ACAD11: variants seen among roughly 807,000 people sequenced by gnomAD.
The protein encoded by ACAD11 is acyl-CoA dehydrogenase family member 11.
A neutral mutation model predicts 102.2 loss-of-function variants in ACAD11; 83 were observed. The ratio of observed to expected loss-of-function variants is 0.81; its 90% CI spans 0.68 to 0.97. The LOEUF (loss-of-function observed/expected upper bound fraction) is 0.97, where lower values mean the gene tolerates loss of function less well. Ranked by LOEUF, ACAD11 falls within the 50% of genes least tolerant of loss-of-function variation. The probability of loss-of-function intolerance (pLI) is 0.00; values close to 1 mark genes in which losing one functional copy is unlikely to be tolerated. For missense variants in ACAD11, 901 were observed against 951.7 expected (o/e 0.95, Z 0.70); for synonymous variants, 324 against 319.8 (o/e 1.01, Z -0.14).
chr3:132,633,920 A>G (rs1940158522), intron 5 of ACAD11, among the ~76,000 whole-genome samples: 1 of 152,230 alleles, frequency 6.6e-6, no homozygotes, highest in Admixed American at 6.5e-5. Context: ...GATGGATTAA[A>G]GACTTACATG....
At position 132,558,866 on chromosome 3, in the gene ACAD11, C is replaced by A; in HGVS notation, c.*105G>T. On this transcript the variant is annotated 3_prime_UTR_variant, in exon 20 of 20. Coordinates refer to ENST00000264990, the MANE Select transcript of ACAD11 (RefSeq NM_032169.5). ...ATCTTTACCACAAATGAATAATTAACCCTGTGCTCAAACTGCTACAAAAAT... is the reference window on the plus strand; with the variant it reads ...ATCTTTACCACAAATGAATAATTAAACCTGTGCTCAAACTGCTACAAAAAT... 1 of 772,002 alleles carries A rather than the reference C, an allele frequency of 1.3e-6. No individual in the cohort carries two copies. Among genetic ancestry groups the A allele is most frequent in the Non-Finnish European group, 2.1e-6 (1 of 466,180 alleles). The allele number at this position is 772,002 out of a possible 1,614,324, so 47.8% of individuals were successfully genotyped here. A position where few individuals can be genotyped will look rare whatever the true frequency, so the allele number is the denominator to read the frequency against.
intron 5 of ACAD11, among the ~76,000 whole-genome samples, chr3:132,633,010 T>G (rs980265396): frequency 6.6e-6 from 1 of 152,230 alleles, no homozygotes; most frequent in African/African-American, 2.4e-5. Context: ...TACAGTCATG[T>G]CATCTGCAAA....
intron 9 of ACAD11, among the ~76,000 whole-genome samples, chr3:132,620,194 A>T (rs1939556560): frequency 6.6e-6 from 1 of 152,214 alleles, no homozygotes; most frequent in Non-Finnish European, 1.5e-5. Flanking sequence ...CACCCCTCAG[A>T]GGTAGACCAT....
At position 132,591,711 on chromosome 3, in the gene ACAD11, G is replaced by A. The variant is rs565509702; in HGVS notation, c.1621+11518C>T. Among the ~76,000 whole-genome samples the A allele has an allele frequency of 1.3e-3, 203 of 152,024 alleles. 1 individual carries two copies. Among genetic ancestry groups the A allele is most frequent in the Non-Finnish European group, 1.8e-3 (124 of 67,960 alleles). ...TTGAAACCAGCCCGGGCAACCTAGC[G>A]ACACCTCGTCTATACAAAAAAATTT... On this transcript the variant is annotated intron_variant, in intron 13 of 19. Coordinates refer to ENST00000264990, the MANE Select transcript of ACAD11 (RefSeq NM_032169.5).
At chr3:132,638,428 C>T (rs7641211) in intron 5 of ACAD11, among the ~76,000 whole-genome samples, 4,179 of 152,162 alleles carry the variant, frequency 0.027, 204 homozygotes, top group African/African-American at 0.096. Context: ...GAATAACATG[C>T]TTTAAGTTCA....
At chr3:132,559,773 G>A (rs1936991661) in intron 19 of ACAD11, 60 bp downstream of exon 19, 2 of 1,349,940 alleles carry the variant, frequency 1.5e-6, no homozygotes, top group Admixed American at 1.9e-5. Context: ...CAAGGCATCT[G>A]TAGATTTTTT....
At chr3:132,567,039 C>T (rs1291335468) in intron 17 of ACAD11, among the ~76,000 whole-genome samples, 2 of 152,122 alleles carry the variant, frequency 1.3e-5, no homozygotes, top group African/African-American at 2.4e-5. Context: ...AGTGCAGTGG[C>T]GTGATCTCAG....
intron 11 of ACAD11, among the ~76,000 whole-genome samples, chr3:132,612,211 T>C (rs1175218652): frequency 6.6e-6 from 1 of 152,030 alleles, no homozygotes; most frequent in Non-Finnish European, 1.5e-5. Flanking sequence ...TTACACCTTA[T>C]ACAAAAATTA....
Position 132,630,786 on chromosome 3 carries a change from A to G in ACAD11, c.842-228T>C, listed in dbSNP as rs183311655. On this transcript the variant is annotated intron_variant, in intron 6 of 19. Transcript: ENST00000264990. ...TAAGTTCAGAAAATTTAACGAAGAA[A>G]ATGAAATAGGCCAGTCACGATGGCT... Among the ~76,000 whole-genome samples, 266 of 152,344 alleles carry G rather than the reference A, an allele frequency of 1.7e-3. 1 individual carries two copies. Among genetic ancestry groups the G allele is most frequent in the African/African-American group, 6.1e-3 (255 of 41,584 alleles).
chr3:132,578,734 T>C, intron 15 of ACAD11, 62 bp downstream of exon 15: 1 of 1,558,786 alleles, frequency 6.4e-7, no homozygotes. Flanking sequence ...TTGCCTTCAA[T>C]GTTACTGCAT....
intron 13 of ACAD11, among the ~76,000 whole-genome samples, chr3:132,598,610 G>C (rs1344760890): frequency 2.0e-5 from 3 of 152,232 alleles, no homozygotes; most frequent in Non-Finnish European, 4.4e-5. Context: ...AGTCTTCTGG[G>C]GAGGTCGCAT....
intron 13 of ACAD11, among the ~76,000 whole-genome samples, chr3:132,587,209 T>A (rs1374483018): frequency 2.6e-5 from 4 of 152,174 alleles, no homozygotes; most frequent in African/African-American, 9.7e-5. Context: ...TAATTAGCAG[T>A]TTTAGAATTT....
intron 1 of ACAD11, chr3:132,647,077 A>C (rs183200353): frequency 2.1e-4 from 32 of 152,344 alleles, no homozygotes; most frequent in South Asian, 8.3e-4. Context: ...TAAATTTTTA[A>C]ATGTTACGTT....
In ACAD11 at chr3:132,649,940, T is replaced by C. The variant is rs1359214447; in HGVS notation, c.150-5044A>G. On this transcript the variant is annotated intron_variant, in intron 1 of 19. Coordinates refer to ENST00000264990, the MANE Select transcript of ACAD11 (RefSeq NM_032169.5). The stretch of plus-strand genomic sequence containing the variant: ...TTTTTATATTGATGCCAACAGCATC[T>C]CAAATGTGTTTGCTGTTGATAAGAG... 3 of 152,186 alleles carry C rather than the reference T, an allele frequency of 2.0e-5. No individual in the cohort carries two copies. In the East Asian group the frequency reaches 5.8e-4, roughly 29 times the overall value. 9.4% of individuals were successfully genotyped at this position (152,186 alleles called of 1,614,324 possible).
chr3:132,631,232 T>G (rs969482115), intron 6 of ACAD11, 109 bp downstream of exon 6: 3 of 569,248 alleles, frequency 5.3e-6, no homozygotes, highest in African/African-American at 1.9e-5. Context: ...TAGAAATGTT[T>G]AAGAAACAAA....
intron 13 of ACAD11, among the ~76,000 whole-genome samples, chr3:132,590,709 C>T (rs1299012300): frequency 6.6e-6 from 1 of 152,108 alleles, no homozygotes; most frequent in Non-Finnish European, 1.5e-5. Context: ...TCCTGACTGG[C>T]GTGAGATGGT....
intron 9 of ACAD11, among the ~76,000 whole-genome samples, chr3:132,622,660 T>A (rs1474188493): frequency 1.3e-5 from 2 of 152,206 alleles, no homozygotes; most frequent in Non-Finnish European, 2.9e-5. Flanking sequence ...TTCCTCATTA[T>A]AAAGAACCCT....
chr3:132,602,322 G>GTATATACTCAC (rs1938643569), intron 13 of ACAD11: 2 of 166,784 alleles, frequency 1.2e-5, no homozygotes, highest in Admixed American at 1.3e-4. Flanking sequence ...ACAAATGTTA[G>GTATATACTCAC]GTTTATCATA....
At chr3:132,570,477 T>C (rs1164473713) in intron 17 of ACAD11, among the ~76,000 whole-genome samples, 2 of 152,220 alleles carry the variant, frequency 1.3e-5, no homozygotes, top group Admixed American at 6.5e-5. Flanking sequence ...CATTTTATTT[T>C]ATTTTTTTTC....
Sources: allele counts gnomAD v4.1 joint callset (sites outside exome capture counted in the v4.1 genomes callset), GRCh38; gene constraint gnomAD v4.1.1; transcripts MANE v1.5; gene names NCBI Gene and HGNC (gene_info 2026-07-23, HGNC 2026-07-21).